The following IL2RA variants were observed in gnomAD, a reference collection of about 807,000 sequenced individuals.
IL2RA encodes interleukin-2 receptor subunit alpha.
In IL2RA, 24 loss-of-function variants were observed where a neutral mutation model predicts 37.8. The ratio of observed to expected loss-of-function variants is 0.63; its 90% CI spans 0.46 to 0.89. The LOEUF is 0.89. Ranked by LOEUF, IL2RA falls within the 40% of genes least tolerant of loss-of-function variation. IL2RA has a pLI of 0.00. For missense variants in IL2RA, 319 were observed against 348.6 expected, an observed-to-expected ratio of 0.92 and a Z score of 0.68; for synonymous variants, 125 against 114.6, an observed-to-expected ratio of 1.09 and a Z score of -0.58.
rs762979594 is a variant in IL2RA at position 6,012,879 on chromosome 10, G to T, written c.812C>A (p.Thr271Lys). The T allele has an allele frequency of 1.9e-6, 3 of 1,614,038 alleles. No homozygotes were observed. Among genetic ancestry groups the T allele is most frequent in the Non-Finnish European group, 2.5e-6 (3 of 1,179,900 alleles). ...TCTTGTTCTTTTGGTTTTCTAGATT[G>T]TTCTTCTACTCTTCCTCCTGTAGTG... is the stretch of plus-strand genomic sequence containing the variant. ...WQRRQRKSRR[T>K]I The change falls in exon 8 of 8, where the codon ACA (threonine) becomes AAA (lysine). Residue 271 changes from threonine (T) to lysine (K), a missense_variant. Thr to Lys is a moderately conservative substitution (Grantham distance 78). Coordinates refer to ENST00000379959, the MANE Select transcript of IL2RA (RefSeq NM_000417.3). The surrounding 1 kb of genome is among the most constrained non-coding windows in gnomAD (Gnocchi z 4.8).
At chr10:6,031,494 GTATATA>G (rs61619651) in intron 1 of IL2RA, among the ~76,000 whole-genome samples, 12 of 27,466 alleles carry the variant, frequency 4.4e-4, no homozygotes, top group African/African-American at 6.3e-4. Flanking sequence ...ATATATATAT[GTATATA>G]TATATATATA....
rs1839243650 is a variant in IL2RA, at chr10:6,014,411, A to C, written c.795-1515T>G. ...CAAACTGACTAGAGGGGTCATTTCT[A>C]GATGTATGTTTGAGTCTCCCCAAAG... On this transcript the variant is annotated intron_variant, in intron 7 of 7. Transcript: ENST00000379959. This position sits in a 1 kb window ranked among gnomAD's most constrained non-coding sequence, Gnocchi z 4.4. Among the ~76,000 whole-genome samples the C allele has an allele frequency of 6.6e-6, 1 of 152,180 alleles. No individual in the cohort carries two copies. Among genetic ancestry groups the C allele is most frequent in the South Asian group, 2.1e-4 (1 of 4,830 alleles).
In IL2RA at chr10:6,058,370, A is replaced by T. The variant is rs1840079309; in HGVS notation, c.64+3718T>A. Reference sequence around the variant, plus strand: ...CTCACATCTAAAATGAAGTATATGCACAGGTGATTTATCAAACTGCCTATT... The same window carrying T: ...CTCACATCTAAAATGAAGTATATGCTCAGGTGATTTATCAAACTGCCTATT... On this transcript the variant is annotated intron_variant, in intron 1 of 7. Transcript: ENST00000379959. This position sits in a 1 kb window ranked among gnomAD's most constrained non-coding sequence, Gnocchi z 4.2. 6.6e-6 allele frequency among the ~76,000 whole-genome samples: 1 copy of T among 152,214 alleles called. No homozygotes were observed. Among genetic ancestry groups the T allele is most frequent in the Non-Finnish European group, 1.5e-5 (1 of 68,036 alleles).
At position 6,016,581 on chromosome 10, in the gene IL2RA, T is replaced by TC. The variant is rs1348164723; in HGVS notation, c.794+1471_794+1472insG. 2.0e-5 allele frequency among the ~76,000 whole-genome samples: 3 copies of TC among 152,246 alleles called. No homozygotes were observed. In the East Asian group the frequency reaches 5.8e-4, roughly 29 times the overall value. On this transcript the variant is annotated intron_variant, in intron 7 of 7. Transcript: ENST00000379959. ...ATTGATATCTTTTACCTTTTTCTTT[T>TC]TTTTTTTTGAGACAGAGTTTCACTC...
intron 1 of IL2RA, among the ~76,000 whole-genome samples, chr10:6,041,161 A>G (rs1035899161): frequency 7.5e-6 from 1 of 133,140 alleles, no homozygotes; most frequent in Non-Finnish European, 1.5e-5. Flanking sequence ...TTTGTCTCCC[A>G]GGCTGGAGTG....
Position 6,035,796 on chromosome 10 carries a change from C to T in IL2RA, c.65-9771G>A, listed in dbSNP as rs1009730972. On this transcript the variant is annotated intron_variant, in intron 1 of 7. Transcript: ENST00000379959. The surrounding 1 kb of genome is among the most constrained non-coding windows in gnomAD (Gnocchi z 5.4). ...TAGTGTTGAGCGTGTTTCACATCTT[C>T]CGTTGGAGTTTGCTGTGGATGCTCA... 2.0e-5 allele frequency: 3 copies of T among 152,202 alleles called. No individual in the cohort carries two copies. Among genetic ancestry groups the T allele is most frequent in the Non-Finnish European group, 4.4e-5 (3 of 68,034 alleles). 9.4% of individuals were successfully genotyped at this position (152,202 alleles called of 1,614,324 possible).
intron 1 of IL2RA, among the ~76,000 whole-genome samples, chr10:6,055,668 T>C (rs1840031626): frequency 3.1e-5 from 1 of 32,470 alleles, no homozygotes; most frequent in African/African-American, 5.5e-5. Flanking sequence ...CGCCTTTCCA[T>C]TCCACAAAGC....
In IL2RA at chr10:6,047,169, C is replaced by T. The variant is rs1457632887; in HGVS notation, c.64+14919G>A. On this transcript the variant is annotated intron_variant, in intron 1 of 7. Transcript: ENST00000379959. This position sits in a 1 kb window ranked among gnomAD's most constrained non-coding sequence, Gnocchi z 5.0. ...CCTAACCCTGAGGAGGTGCTGAACC[C>T]TTGCTGATGTGCAGAAGGGGTTAAT... Among the ~76,000 whole-genome samples the T allele has an allele frequency of 6.6e-6, 1 of 152,218 alleles. No homozygotes were observed. The highest frequency in any genetic ancestry group is 1.5e-5 in the Non-Finnish European group (1 of 68,032).
chr10:6,062,274 C>G lies in IL2RA; in HGVS notation c.-123G>C. The G allele has an allele frequency of 1.3e-6, 1 of 790,340 alleles. No individual in the cohort carries two copies. The highest frequency in any genetic ancestry group is 1.5e-5 in the South Asian group (1 of 67,196). The allele number at this position is 790,340 out of a possible 1,614,324, so 49.0% of individuals were successfully genotyped here. On this transcript the variant is annotated 5_prime_UTR_variant, in exon 1 of 8. Transcript: ENST00000379959. ...GATGTGGGATGGGAAGATCGGTCCG[C>G]CTGGGCTGTCACCCTTGTGGGTCCA...
Position 6,020,617 on chromosome 10 carries a change from C to G in IL2RA, c.584-676G>C, listed in dbSNP as rs775641613. Among the ~76,000 whole-genome samples the G allele has an allele frequency of 2.3e-4, 35 of 151,958 alleles. No individual in the cohort carries two copies. Among genetic ancestry groups the G allele is most frequent in the Admixed American group, 7.2e-4 (11 of 15,266 alleles). ...GGTGTGATCTCAGCTCACTGCAACT[C>G]CACCTCCTGGGTTCAAGTGATTCTC... is the stretch of plus-strand genomic sequence containing the variant. On this transcript the variant is annotated intron_variant, in intron 4 of 7. Coordinates refer to ENST00000379959, the MANE Select transcript of IL2RA (RefSeq NM_000417.3). This position sits in a 1 kb window ranked among gnomAD's most constrained non-coding sequence, Gnocchi z 5.6.
intron 1 of IL2RA, among the ~76,000 whole-genome samples, chr10:6,041,569 A>G (rs968474791): frequency 6.6e-6 from 1 of 152,240 alleles, no homozygotes; most frequent in Non-Finnish European, 1.5e-5. Context: ...AAAAGTTCAA[A>G]GTAAAATAGC....
chr10:6,050,338 C>T (rs923892728), intron 1 of IL2RA, among the ~76,000 whole-genome samples: 9 of 152,076 alleles, frequency 5.9e-5, no homozygotes, highest in African/African-American at 9.7e-5. Flanking sequence ...TTTCCTCATC[C>T]GTAAAATGGG....
intron 7 of IL2RA, among the ~76,000 whole-genome samples, chr10:6,017,436 C>G (rs1839298327): frequency 6.6e-6 from 1 of 152,106 alleles, no homozygotes; most frequent in African/African-American, 2.4e-5. Context: ...TTGCATCTCT[C>G]TAGGCCACAG....
rs563445877 is a variant in IL2RA, at chr10:6,033,325, A to C, written c.65-7300T>G. On this transcript the variant is annotated intron_variant, in intron 1 of 7. Coordinates refer to ENST00000379959, the MANE Select transcript of IL2RA (RefSeq NM_000417.3). The surrounding 1 kb of genome is among the most constrained non-coding windows in gnomAD (Gnocchi z 4.3). ...CAAAGAAACAAACAAACAACAACAA[A>C]AAAAAAACAAAAAAAGAAAGTATTT... 1.8e-4 allele frequency among the ~76,000 whole-genome samples: 27 copies of C among 152,196 alleles called. No homozygotes were observed. The highest frequency in any genetic ancestry group is 3.9e-4 in the East Asian group (2 of 5,192).
At chr10:6,023,116 A>C (rs1839415260) in intron 3 of IL2RA, among the ~76,000 whole-genome samples, 1 of 152,218 alleles carries the variant, frequency 6.6e-6, no homozygotes, top group South Asian at 2.1e-4. Flanking sequence ...GAGCTTAACC[A>C]AATCTTTTTA....
Position 6,048,882 on chromosome 10 carries a change from A to G in IL2RA, c.64+13206T>C, listed in dbSNP as rs1839905358. On this transcript the variant is annotated intron_variant, in intron 1 of 7. Transcript: ENST00000379959. The surrounding 1 kb of genome is among the most constrained non-coding windows in gnomAD (Gnocchi z 5.3). ...AAGACACAGCTCATGCCCAACTTCA[A>G]AATCTCTGCTTCCACTATGTGCCTG... is the stretch of plus-strand genomic sequence containing the variant. 6.6e-6 allele frequency among the ~76,000 whole-genome samples: 1 copy of G among 152,188 alleles called. No individual in the cohort carries two copies. The highest frequency in any genetic ancestry group is 1.5e-5 in the Non-Finnish European group (1 of 68,024).
At chr10:6,019,379 T>C in intron 6 of IL2RA, 49 bp downstream of exon 6, 1 of 1,381,978 alleles carries the variant, frequency 7.2e-7, no homozygotes, top group Non-Finnish European at 1.0e-6. Context: ...AACCTGTCCA[T>C]ATCTCAGCCT....
rs1263842882 is a variant in IL2RA, at chr10:6,047,754, A to G, written c.64+14334T>C. ...TAATTATACAGATATATAATAAGCA[A>G]TTAGGGTATGTTATATAAAATACTA... On this transcript the variant is annotated intron_variant, in intron 1 of 7. Transcript: ENST00000379959. This position sits in a 1 kb window ranked among gnomAD's most constrained non-coding sequence, Gnocchi z 5.0. Among the ~76,000 whole-genome samples, 1 of 149,416 alleles carries G rather than the reference A, an allele frequency of 6.7e-6. No individual in the cohort carries two copies. The highest frequency in any genetic ancestry group is 1.9e-4 in the East Asian group (1 of 5,168).
Position 6,029,215 on chromosome 10 carries a change from A to G in IL2RA, c.65-3190T>C, listed in dbSNP as rs1449928505. Among the ~76,000 whole-genome samples the G allele has an allele frequency of 6.6e-6, 1 of 150,632 alleles. No homozygotes were observed. The highest frequency in any genetic ancestry group is 1.5e-5 in the Non-Finnish European group (1 of 67,724). ...GTTTCGCTCTTGTTGCCCAGGCTGG[A>G]GTGCAATGGTGCAATCTTGACTCAC... On this transcript the variant is annotated intron_variant, in intron 1 of 7. Coordinates refer to ENST00000379959, the MANE Select transcript of IL2RA (RefSeq NM_000417.3). The surrounding 1 kb of genome is among the most constrained non-coding windows in gnomAD (Gnocchi z 4.6).
Sources: allele counts gnomAD v4.1 joint callset (sites outside exome capture counted in the v4.1 genomes callset), GRCh38; gene constraint gnomAD v4.1.1; non-coding constraint Gnocchi (gnomAD v3.1); transcripts MANE v1.5; gene names NCBI Gene and HGNC (gene_info 2026-07-23, HGNC 2026-07-21).